USP18: variants seen among roughly 807,000 people sequenced by gnomAD.
The protein encoded by USP18 is ubl carboxyl-terminal hydrolase 18.
A neutral mutation model predicts 48.7 loss-of-function variants in USP18; 11 were observed. The observed-to-expected ratio is 0.23, with a 90% CI of 0.14 to 0.37. The LOEUF is 0.37. USP18 is among the 10% of genes least tolerant of loss of function. The pLI, the probability that USP18 is intolerant of heterozygous loss-of-function variation, is 1.00. For missense variants in USP18, 285 were observed against 436.4 expected (o/e 0.65, Z 3.09); for synonymous variants, 114 against 163.2 (o/e 0.70, Z 2.30).
At chr22:18,175,861 C>T (rs1222071144) in intron 10 of USP18, among the ~76,000 whole-genome samples, 16 of 150,314 alleles carry the variant, frequency 1.1e-4, no homozygotes, top group Non-Finnish European at 2.1e-4. Context: ...CATCCATAGT[C>T]CTAGCTACTC....
At chr22:18,173,404 G>A in intron 9 of USP18, 123 bp downstream of exon 9, 1 of 1,371,430 alleles carries the variant, frequency 7.3e-7, no homozygotes, top group Non-Finnish European at 9.8e-7. Context: ...CTGGGTGTGG[G>A]GCCTTTGATG....
chr22:18,167,270 A>C lies in USP18; in HGVS notation c.416A>C (p.Asp139Ala). ...CTGTGGCCAGTGTTTGTCCAACATG[A>C]TGCTGCCCAACTGTACCTCAAACTC... Reference protein sequence around the residue: ...KCNVPLFVQHDAAQLYLKLWN... With the variant: ...KCNVPLFVQHAAAQLYLKLWN... Residue 139 changes from aspartate to alanine, a missense_variant, in exon 5 of 11, where the codon GAT becomes GCT. Transcript: ENST00000215794. 3.1e-6 allele frequency: 5 copies of C among 1,613,762 alleles called. No individual in the cohort carries two copies. Among genetic ancestry groups the C allele is most frequent in the Non-Finnish European group, 4.2e-6 (5 of 1,179,770 alleles).
intron 10 of USP18, among the ~76,000 whole-genome samples, chr22:18,174,966 T>C (rs1929743108): frequency 6.6e-6 from 1 of 152,082 alleles, no homozygotes; most frequent in African/African-American, 2.4e-5. Flanking sequence ...CAGGCTGGAG[T>C]GCAGTAGCAG....
Position 18,160,275 on chromosome 22 carries a change from CTG to C in USP18, c.254+9_254+10del, listed in dbSNP as rs777407227. On this transcript the variant is annotated splice_region_variant and intron_variant, in intron 3 of 10. Transcript: ENST00000215794. ...TCACCAGGATATTGAAGAGGTAAGA[CTG>C]TTCTTCAGGCTGATGAGCATTTGTA... 13 of 1,613,832 alleles carry C rather than the reference CTG, an allele frequency of 8.1e-6. No homozygotes were observed. The Admixed American group carries it at 2.2e-4, about 27-fold the overall frequency.
chr22:18,151,780 G>T (rs992572021), intron 1 of USP18, among the ~76,000 whole-genome samples: 5 of 152,272 alleles, frequency 3.3e-5, no homozygotes, highest in Non-Finnish European at 5.9e-5. Flanking sequence ...AAATAGGCCG[G>T]GCGCGGTGGC....
chr22:18,175,227 C>G (rs572231073), intron 10 of USP18, among the ~76,000 whole-genome samples: 1 of 152,176 alleles, frequency 6.6e-6, no homozygotes, highest in Non-Finnish European at 1.5e-5. Context: ...TCATTAACTA[C>G]CGAGGAGAAG....
At chr22:18,173,017 A>G (rs1456310707) in intron 8 of USP18, 133 bp from the exon 9 acceptor site, 174 of 1,506,640 alleles carry the variant, frequency 1.2e-4, no homozygotes, top group Non-Finnish European at 1.5e-4. Flanking sequence ...GAGGGTGCCC[A>G]CTGGCTGTGG....
intron 6 of USP18, 112 bp from the exon 7 acceptor site, chr22:18,169,732 T>C: frequency 7.7e-7 from 1 of 1,290,686 alleles, no homozygotes; most frequent in Non-Finnish European, 1.1e-6. Context: ...TCTTTTCTTA[T>C]AAATTACCCA....
rs749949809 is a variant in USP18, at chr22:18,169,924, G to A, written c.708G>A (p.Lys236=). The change falls in exon 7 of 11, where the codon AAG becomes AAA. Residue 236 remains lysine, a synonymous_variant. Transcript: ENST00000215794. ...SKCFCENCGK[K]TRGKQVLKLT... is the part of the protein sequence containing the mutation. ...GCTTCTGTGAGAACTGTGGGAAGAA[G>A]ACCCGTGGGAAACAGGTACTCATTC... 14 of 1,601,990 alleles carry A rather than the reference G, an allele frequency of 8.7e-6. No individual in the cohort carries two copies. In the East Asian group the frequency reaches 2.9e-4, roughly 33 times the overall value.
chr22:18,156,324 G>A (rs1268293352), intron 1 of USP18, among the ~76,000 whole-genome samples: 1 of 152,192 alleles, frequency 6.6e-6, no homozygotes, highest in Non-Finnish European at 1.5e-5. Context: ...CCAGATAAGA[G>A]AATAAAAGCA....
At chr22:18,172,184 C>T (rs1225474787) in intron 8 of USP18, among the ~76,000 whole-genome samples, 1 of 152,168 alleles carries the variant, frequency 6.6e-6, no homozygotes, top group African/African-American at 2.4e-5. Context: ...ACAGTGAATC[C>T]TTGGCTGTAA....
At chr22:18,170,530 C>T (rs1046689681) in intron 7 of USP18, among the ~76,000 whole-genome samples, 2 of 151,888 alleles carry the variant, frequency 1.3e-5, no homozygotes, top group Admixed American at 6.6e-5. Flanking sequence ...CTGTGCAGAG[C>T]CCTGTGCCCT....
chr22:18,167,225 T>C, intron 4 of USP18, 30 bp from the exon 5 acceptor site: 1 of 1,612,514 alleles, frequency 6.2e-7, no homozygotes, highest in Non-Finnish European at 8.5e-7. Flanking sequence ...AAGACCTCAC[T>C]AATTGGCTGT....
At chr22:18,154,557 C>T (rs1249587138) in intron 1 of USP18, among the ~76,000 whole-genome samples, 1 of 152,120 alleles carries the variant, frequency 6.6e-6, no homozygotes. Context: ...AGTGATCCTC[C>T]TCCTTCACCC....
At position 18,152,856 on chromosome 22, in the gene USP18, T is replaced by A. The variant is rs535066484; in HGVS notation, c.-107+2634T>A. ...AATGATCTGCTCCATGAGGTTTTAC[T>A]GCTATATCCTACTGAAGTATCTGGG... is the stretch of plus-strand genomic sequence containing the variant. On this transcript the variant is annotated intron_variant, in intron 1 of 10. Transcript: ENST00000215794. 2.1e-3 allele frequency among the ~76,000 whole-genome samples: 316 copies of A among 152,330 alleles called. 1 individual carries two copies. The highest frequency in any genetic ancestry group is 6.8e-3 in the African/African-American group (284 of 41,574).
intron 8 of USP18, 147 bp from the exon 9 acceptor site, chr22:18,173,003 C>T (rs1929676970): frequency 4.8e-6 from 7 of 1,467,360 alleles, no homozygotes; most frequent in Non-Finnish European, 6.4e-6. Context: ...GAAAGCCCCT[C>T]CTGGAGGGTG....
At position 18,169,705 on chromosome 22, in the gene USP18, C is replaced by T. The variant is rs1367519568; in HGVS notation, c.628-139C>T. 2.7e-5 allele frequency: 28 copies of T among 1,053,038 alleles called. No homozygotes were observed. The South Asian group carries it at 3.8e-4, about 14-fold the overall frequency. The allele number at this position is 1,053,038 out of a possible 1,614,324, so 65.2% of individuals were successfully genotyped here. A position where few individuals can be genotyped will look rare whatever the true frequency, so the allele number is the denominator to read the frequency against. ...CATGCTTCCGGTTGGCCTGCAGAAC[C>T]ATGGGCCAATCAAACTTCTTTTCTT... On this transcript the variant is annotated intron_variant, in intron 6 of 10. Transcript: ENST00000215794.
At position 18,155,747 on chromosome 22, in the gene USP18, C is replaced by T. The variant is rs1035986528; in HGVS notation, c.-106-1811C>T. ...AGGGCAGGGCTCGGGACCTGTAGCC[C>T]GCCATGCCTGAGCCTCCCCACCCCG... On this transcript the variant is annotated intron_variant, in intron 1 of 10. Coordinates refer to ENST00000215794, the MANE Select transcript of USP18 (RefSeq NM_017414.4). Among the ~76,000 whole-genome samples the T allele has an allele frequency of 7.2e-5, 11 of 152,348 alleles. No homozygotes were observed. The East Asian group carries it at 1.5e-3, about 21-fold the overall frequency.
intron 1 of USP18, among the ~76,000 whole-genome samples, chr22:18,151,961 G>A (rs1929009922): frequency 1.3e-5 from 2 of 152,182 alleles, no homozygotes; most frequent in Non-Finnish European, 1.5e-5. Flanking sequence ...GGCTGAGGCA[G>A]GAGAATGGCG....
Sources: allele counts gnomAD v4.1 joint callset (sites outside exome capture counted in the v4.1 genomes callset), GRCh38; gene constraint gnomAD v4.1.1; transcripts MANE v1.5; gene names NCBI Gene and HGNC (gene_info 2026-07-23, HGNC 2026-07-21).